Variants in IFT74 observed in about 807,000 individuals in gnomAD.
The protein encoded by IFT74 is intraflagellar transport 74.
IFT74 carries 92 observed loss-of-function variants against 96.7 expected under a neutral mutation model. That is an observed-to-expected ratio of 0.95 (90% CI 0.80 to 1.13). IFT74 has a LOEUF of 1.13. IFT74 is among the 50% of genes most tolerant of loss of function. The pLI, the probability that IFT74 is intolerant of heterozygous loss-of-function variation, is 0.00. For synonymous variants in IFT74, 223 were observed against 213.2 expected, an observed-to-expected ratio of 1.05 and a Z score of -0.40; for missense variants, 811 against 698.2, an observed-to-expected ratio of 1.16 and a Z score of -1.82.
Position 27,018,677 on chromosome 9 carries a change from A to C in IFT74, c.964A>C (p.Met322Leu). 6.5e-7 allele frequency: 1 copy of C among 1,536,906 alleles called. No individual in the cohort carries two copies. The highest frequency in any genetic ancestry group is 1.7e-4 in the Middle Eastern group (1 of 5,790). Residue 322 changes from methionine to leucine, a missense_variant, in exon 12 of 20, where the codon ATG becomes CTG. By Grantham distance (15) the Met-to-Leu change is conservative. Transcript: ENST00000380062. ...IKDDNQEIASMERQLTDTKEK... is the reference protein window; with the variant it reads ...IKDDNQEIASLERQLTDTKEK... Reference sequence around the variant, plus strand: ...AGATGATAATCAGGAAATAGCCAGCATGGAAAGACAGTAAGTATCTTTATA... The same window carrying C: ...AGATGATAATCAGGAAATAGCCAGCCTGGAAAGACAGTAAGTATCTTTATA...
chr9:26,987,663 C>T (rs546536931), intron 6 of IFT74, among the ~76,000 whole-genome samples: 5 of 152,200 alleles, frequency 3.3e-5, no homozygotes, highest in African/African-American at 4.8e-5. Flanking sequence ...TTTTAGTAGA[C>T]CTTCTGTTCA....
At chr9:26,980,657 C>G (rs377637362) in intron 4 of IFT74, 38 bp downstream of exon 4, 2 of 1,322,764 alleles carry the variant, frequency 1.5e-6, no homozygotes, top group South Asian at 2.5e-5. Flanking sequence ...ATGTTTTACT[C>G]GAAATATTGT....
At chr9:26,996,069 C>T (rs1303446108) in intron 8 of IFT74, among the ~76,000 whole-genome samples, 1 of 152,042 alleles carries the variant, frequency 6.6e-6, no homozygotes, top group Non-Finnish European at 1.5e-5. Flanking sequence ...GATTTATACT[C>T]GTTAAGATTT....
chr9:26,961,975 G>A lies in IFT74; in HGVS notation c.8G>A (p.Ser3Asn). 1 of 1,614,136 alleles carries A rather than the reference G, an allele frequency of 6.2e-7. No individual in the cohort carries two copies. The highest frequency in any genetic ancestry group is 8.5e-7 in the Non-Finnish European group (1 of 1,179,954). Reference sequence around the variant, plus strand: ...GATTAAAGTGAAGAAACAATGGCCAGCAATCACAAATCTTCAGCAGCTCGC... The same window carrying A: ...GATTAAAGTGAAGAAACAATGGCCAACAATCACAAATCTTCAGCAGCTCGC... MA[S>N]NHKSSAARPV... Residue 3 changes from serine (S) to asparagine (N), a missense_variant, in exon 2 of 20, where the codon AGC becomes AAC. Transcript: ENST00000380062.
intron 4 of IFT74, 42 bp from the exon 5 acceptor site, chr9:26,984,215 G>A (rs1026149432): frequency 6.8e-7 from 1 of 1,477,252 alleles, no homozygotes; most frequent in Admixed American, 2.4e-5. Flanking sequence ...AGAGTTTTCT[G>A]GATTAAAAGT....
intron 1 of IFT74, among the ~76,000 whole-genome samples, chr9:26,950,464 TG>T (rs986453449): frequency 6.6e-6 from 1 of 152,066 alleles, no homozygotes; most frequent in Non-Finnish European, 1.5e-5. Context: ...GGAGTTGGGG[TG>T]GGGGGTCACT....
chr9:26,975,476 A>G (rs952704071), intron 2 of IFT74, among the ~76,000 whole-genome samples: 3 of 152,220 alleles, frequency 2.0e-5, no homozygotes, highest in African/African-American at 7.2e-5. Context: ...ACAATATTGT[A>G]TCATTTGCTC....
At chr9:26,995,927 T>C in intron 8 of IFT74, 1 of 974,634 alleles carries the variant, frequency 1.0e-6, no homozygotes, top group Non-Finnish European at 1.5e-6. Context: ...TATATCCTAA[T>C]TCTCCTCAAT....
Position 27,062,747 on chromosome 9 carries a change from A to T in IFT74, c.*11A>T. ...ACCAGCGGAAACTGAGTTTAAGTCCACTGAAAGTCTCTAAGGAAGTATCCT... is the reference window on the plus strand; with the variant it reads ...ACCAGCGGAAACTGAGTTTAAGTCCTCTGAAAGTCTCTAAGGAAGTATCCT... On this transcript the variant is annotated 3_prime_UTR_variant, in exon 20 of 20. Coordinates refer to ENST00000380062, the MANE Select transcript of IFT74 (RefSeq NM_025103.4). 1 of 1,380,460 alleles carries T rather than the reference A, an allele frequency of 7.2e-7. No individual in the cohort carries two copies. The highest frequency in any genetic ancestry group is 1.2e-5 in the South Asian group (1 of 82,274). The allele number at this position is 1,380,460 out of a possible 1,614,324, so 85.5% of individuals were successfully genotyped here.
chr9:27,044,634 C>T (rs765464795), intron 13 of IFT74, 108 bp from the exon 14 acceptor site: 18 of 634,774 alleles, frequency 2.8e-5, no homozygotes, highest in Admixed American at 6.3e-5. Context: ...TCGAACACGT[C>T]GAATAGTCAA....
chr9:26,951,865 T>C (rs1825946447), upstream of IFT74, among the ~76,000 whole-genome samples: 1 of 152,034 alleles, frequency 6.6e-6, no homozygotes, highest in Non-Finnish European at 1.5e-5. Flanking sequence ...TCCACTCCAC[T>C]CCAGCCTGGG....
chr9:27,036,492 G>C (rs1275212298), intron 13 of IFT74: 1 of 1,613,682 alleles, frequency 6.2e-7, no homozygotes, highest in Non-Finnish European at 8.5e-7. Flanking sequence ...AAAAATACAG[G>C]AAGTTTCAAA....
At chr9:26,988,572 CA>C in intron 6 of IFT74, 96 bp from the exon 7 acceptor site, 1 of 1,119,746 alleles carries the variant, frequency 8.9e-7, no homozygotes, top group South Asian at 1.7e-5. Context: ...AGTTACTACT[CA>C]TTATTTGTAA....
chr9:27,034,617 C>T (rs1819078024), intron 13 of IFT74, among the ~76,000 whole-genome samples: 2 of 152,202 alleles, frequency 1.3e-5, no homozygotes, highest in East Asian at 3.9e-4. Flanking sequence ...CAACCTCCAC[C>T]TCTCAGGTTC....
At chr9:27,036,315 G>C in intron 13 of IFT74, 1 of 1,253,930 alleles carries the variant, frequency 8.0e-7, no homozygotes. Context: ...ATTTCCCAGA[G>C]AATGTATATT....
At chr9:27,000,858 CT>C (rs1253826859) in intron 8 of IFT74, among the ~76,000 whole-genome samples, 2 of 152,166 alleles carry the variant, frequency 1.3e-5, no homozygotes, top group African/African-American at 4.8e-5. Flanking sequence ...AAAAAAATTA[CT>C]GTAAACTATA....
chr9:26,947,292 G>C (rs1587207130), intron 1 of IFT74: 1 of 506,596 alleles, frequency 2.0e-6, no homozygotes, highest in South Asian at 2.9e-5. Flanking sequence ...ATGACGCAGA[G>C]TGTGTGCGTC....
At chr9:26,988,981 T>A (rs983350705) in intron 7 of IFT74, among the ~76,000 whole-genome samples, 29 of 152,154 alleles carry the variant, frequency 1.9e-4, no homozygotes, top group Non-Finnish European at 2.4e-4. Context: ...CGTGCAACAT[T>A]AGTTAGGGAG....
At chr9:27,021,420 T>C (rs1048829928) in intron 12 of IFT74, among the ~76,000 whole-genome samples, 3 of 152,214 alleles carry the variant, frequency 2.0e-5, no homozygotes, top group Non-Finnish European at 4.4e-5. Context: ...CTGTTTTCCA[T>C]AGTGGTTGTA....
Sources: allele counts gnomAD v4.1 joint callset (sites outside exome capture counted in the v4.1 genomes callset), GRCh38; gene constraint gnomAD v4.1.1; transcripts MANE v1.5; gene names NCBI Gene and HGNC (gene_info 2026-07-23, HGNC 2026-07-21).